ACER1: variants seen among roughly 807,000 people sequenced by gnomAD.
ACER1 encodes CTB-180A7.3.
ACER1 carries 28 observed loss-of-function variants against 24.9 expected under a neutral mutation model. That is an observed-to-expected ratio of 1.13 (90% CI 0.83 to 1.54). ACER1 has a LOEUF of 1.54. ACER1 is among the 40% of genes most tolerant of loss of function. The pLI, the probability that ACER1 is intolerant of heterozygous loss-of-function variation, is 0.00. For missense variants in ACER1, 352 were observed against 349.3 expected, an observed-to-expected ratio of 1.01 and a Z score of -0.06; for synonymous variants, 132 against 131.4, an observed-to-expected ratio of 1.00 and a Z score of -0.03.
the ACER1 span, among the ~76,000 whole-genome samples, chr19:6,345,617 T>C: frequency 6.7e-6 from 1 of 148,942 alleles, no homozygotes; most frequent in Admixed American, 6.9e-5. Context: ...CAGGCTGGAG[T>C]GCAGTGGTAC....
chr19:6,320,407 G>T (rs2091624323), intron 1 of ACER1, among the ~76,000 whole-genome samples: 1 of 152,088 alleles, frequency 6.6e-6, no homozygotes, highest in Admixed American at 6.6e-5. Flanking sequence ...CTGCCTCCCA[G>T]GTTCAAGCAA....
chr19:6,348,914 G>A, the ACER1 span, among the ~76,000 whole-genome samples: 7 of 151,984 alleles, frequency 4.6e-5, no homozygotes, highest in African/African-American at 1.7e-4. Context: ...AAATTAGCTG[G>A]GTATGGTGGC....
intron 1 of ACER1, among the ~76,000 whole-genome samples, chr19:6,325,165 A>G (rs1004602738): frequency 6.6e-6 from 1 of 152,130 alleles, no homozygotes; most frequent in African/African-American, 2.4e-5. Flanking sequence ...TCCTCTGTTC[A>G]AAAGCCACCC....
At chr19:6,347,406 G>C in the ACER1 span, among the ~76,000 whole-genome samples, 1 of 151,734 alleles carries the variant, frequency 6.6e-6, no homozygotes, top group Non-Finnish European at 1.5e-5. Context: ...TTTTTGTAGA[G>C]ATGAGGTTTC....
At chr19:6,322,660 T>C (rs553715547) in intron 1 of ACER1, among the ~76,000 whole-genome samples, 4 of 152,302 alleles carry the variant, frequency 2.6e-5, no homozygotes, top group East Asian at 1.9e-4. Context: ...CAAAAGATTC[T>C]TCTTTGGAGA....
intron 1 of ACER1, among the ~76,000 whole-genome samples, chr19:6,332,352 C>G (rs1042093949): frequency 1.4e-5 from 2 of 147,708 alleles, no homozygotes; most frequent in African/African-American, 5.1e-5. Context: ...CTCACTGCAT[C>G]CTCCACTTCT....
chr19:6,315,937 G>C (rs966002296), intron 1 of ACER1, among the ~76,000 whole-genome samples: 1 of 152,200 alleles, frequency 6.6e-6, no homozygotes, highest in African/African-American at 2.4e-5. Flanking sequence ...AGACCAGCCT[G>C]GCCAACATGG....
At chr19:6,328,662 C>T (rs985208107) in intron 1 of ACER1, among the ~76,000 whole-genome samples, 11 of 151,890 alleles carry the variant, frequency 7.2e-5, no homozygotes, top group African/African-American at 2.2e-4. Context: ...AAGACCCCAT[C>T]TCTATACAAA....
intron 1 of ACER1, among the ~76,000 whole-genome samples, chr19:6,324,912 G>A (rs1202976615): frequency 8.2e-6 from 1 of 121,904 alleles, no homozygotes; most frequent in South Asian, 2.4e-4. Flanking sequence ...AGGAAGGAAG[G>A]AGGAAGGAAG....
intron 1 of ACER1, among the ~76,000 whole-genome samples, chr19:6,317,473 C>T (rs540741130): frequency 3.3e-5 from 5 of 152,326 alleles, no homozygotes; most frequent in African/African-American, 1.2e-4. Context: ...CAGCCCGTGG[C>T]CCTAGTTCAG....
At chr19:6,323,559 G>A (rs2145011026) in intron 1 of ACER1, among the ~76,000 whole-genome samples, 1 of 152,318 alleles carries the variant, frequency 6.6e-6, no homozygotes, top group Middle Eastern at 3.4e-3. Context: ...CAGCCACGTG[G>A]AACTGTAAGT....
At chr19:6,312,937 CA>C (rs761040259) in intron 1 of ACER1, among the ~76,000 whole-genome samples, 10 of 152,086 alleles carry the variant, frequency 6.6e-5, no homozygotes, top group Non-Finnish European at 1.5e-4. Context: ...TTGGCCTCCC[CA>C]AAGTGGTGGG....
intron 1 of ACER1, among the ~76,000 whole-genome samples, chr19:6,320,758 A>T (rs1296682294): frequency 6.6e-6 from 1 of 152,132 alleles, no homozygotes; most frequent in Non-Finnish European, 1.5e-5. Flanking sequence ...CTAGGAAAGA[A>T]ATATACCCTC....
At chr19:6,342,906 T>G in the ACER1 span, among the ~76,000 whole-genome samples, 3 of 151,728 alleles carry the variant, frequency 2.0e-5, no homozygotes, top group Non-Finnish European at 4.4e-5. Context: ...TCCTCCCGAA[T>G]AGCTGGGATT....
chr19:6,348,231 G>A, the ACER1 span, among the ~76,000 whole-genome samples: 2 of 151,838 alleles, frequency 1.3e-5, no homozygotes, highest in South Asian at 2.1e-4. Flanking sequence ...TTGGGAGGCC[G>A]AGGCGGGTGG....
the ACER1 span, among the ~76,000 whole-genome samples, chr19:6,351,042 A>G: frequency 6.6e-6 from 1 of 152,128 alleles, no homozygotes; most frequent in Non-Finnish European, 1.5e-5. Context: ...ATACCTAACT[A>G]TATAATTAAA....
the ACER1 span, among the ~76,000 whole-genome samples, chr19:6,350,733 C>T: frequency 6.6e-6 from 1 of 151,986 alleles, no homozygotes; most frequent in African/African-American, 2.4e-5. Context: ...TCCATGAAAG[C>T]GGGGGTTGTT....
upstream of ACER1, among the ~76,000 whole-genome samples, chr19:6,336,536 G>A (rs570012616): frequency 6.6e-6 from 1 of 152,090 alleles, no homozygotes; most frequent in Admixed American, 6.6e-5. Context: ...AAGATAAATT[G>A]TGGGCTGGGC....
At chr19:6,348,850 G>T in the ACER1 span, among the ~76,000 whole-genome samples, 2 of 151,942 alleles carry the variant, frequency 1.3e-5, no homozygotes, top group Non-Finnish European at 2.9e-5. Flanking sequence ...GAGATCAGGA[G>T]TTTGAGACTA....
Sources: allele counts gnomAD v4.1 joint callset (sites outside exome capture counted in the v4.1 genomes callset), GRCh38; gene constraint gnomAD v4.1.1; transcripts MANE v1.5; gene names NCBI Gene and HGNC (gene_info 2026-07-23, HGNC 2026-07-21).